PTPRT: variants seen among roughly 807,000 people sequenced by gnomAD.
PTPRT encodes protein tyrosine phosphatase receptor type T.
Under a neutral mutation model 176.8 loss-of-function variants are expected in PTPRT, and 56 were observed. That is an observed-to-expected ratio of 0.32 (90% CI 0.26 to 0.40). PTPRT has a LOEUF of 0.40. PTPRT is among the 10% of genes least tolerant of loss of function. The pLI is 1.00. For synonymous variants in PTPRT, 783 were observed against 739.0 expected, an observed-to-expected ratio of 1.06 and a Z score of -0.96; for missense variants, 1,540 against 1,908.2, an observed-to-expected ratio of 0.81 and a Z score of 3.60.
intron 15 of PTPRT, among the ~76,000 whole-genome samples, chr20:42,210,028 C>T (rs1215371344): frequency 8.5e-5 from 13 of 152,126 alleles, no homozygotes; most frequent in Admixed American, 8.5e-4. Context: ...AGCATATAAA[C>T]AGAGCCAAAG....
At chr20:42,937,504 G>T (rs1195026826) in intron 1 of PTPRT, among the ~76,000 whole-genome samples, 1 of 152,188 alleles carries the variant, frequency 6.6e-6, no homozygotes, top group East Asian at 1.9e-4. Flanking sequence ...CCCCTCCAAT[G>T]TTACAGCTAG....
At chr20:42,809,276 C>A (rs1018285686) in intron 2 of PTPRT, among the ~76,000 whole-genome samples, 1 of 152,146 alleles carries the variant, frequency 6.6e-6, no homozygotes. Context: ...GAAAGGGCTG[C>A]CGGAAACAAA....
At position 42,398,730 on chromosome 20, in the gene PTPRT, A is replaced by G. The variant is rs2058875868; in HGVS notation, c.1561-46445T>C. 2.0e-5 allele frequency among the ~76,000 whole-genome samples: 3 copies of G among 152,156 alleles called. No homozygotes were observed. The South Asian group carries it at 6.2e-4, about 31-fold the overall frequency. On this transcript the variant is annotated intron_variant, in intron 9 of 30. Coordinates refer to ENST00000373187, the MANE Select transcript of PTPRT (RefSeq NM_007050.6). The stretch of plus-strand genomic sequence containing the variant: ...CCATTTTAAATTTATGTATTTTTTA[A>G]TTTAAAAAAACATAGGGCTGAATCA...
In PTPRT at chr20:42,173,965, T is replaced by C. The variant is rs534623589; in HGVS notation, c.2492-12423A>G. Among the ~76,000 whole-genome samples, 50 of 152,300 alleles carry C rather than the reference T, an allele frequency of 3.3e-4. 1 individual carries two copies. The South Asian group carries it at 7.9e-3, about 24-fold the overall frequency. On this transcript the variant is annotated intron_variant, in intron 16 of 30. Transcript: ENST00000373187. ...TAACCCATAAATAGACATTGAAATA[T>C]ACGCCTAAAGAATTTTATAAACTGA... is the stretch of plus-strand genomic sequence containing the variant.
chr20:42,944,475 G>A (rs553998692), intron 1 of PTPRT, among the ~76,000 whole-genome samples: 45 of 152,212 alleles, frequency 3.0e-4, no homozygotes, highest in African/African-American at 1.1e-3. Context: ...CGTTGAGATG[G>A]CCCACCAGGC....
At chr20:42,846,507 G>T (rs1006093065) in intron 2 of PTPRT, among the ~76,000 whole-genome samples, 2 of 152,210 alleles carry the variant, frequency 1.3e-5, no homozygotes, top group Admixed American at 6.5e-5. Flanking sequence ...AACTACCACA[G>T]TAATGATCTC....
At chr20:42,360,831 C>T (rs111298814) in intron 9 of PTPRT, among the ~76,000 whole-genome samples, 67 of 152,246 alleles carry the variant, frequency 4.4e-4, no homozygotes, top group African/African-American at 1.4e-3. Context: ...TGGCAGACAC[C>T]GCCTGGAACA....
intron 9 of PTPRT, among the ~76,000 whole-genome samples, chr20:42,374,663 T>TG (rs2058629790): frequency 6.6e-6 from 1 of 152,158 alleles, no homozygotes; most frequent in African/African-American, 2.4e-5. Context: ...ATATTACCAA[T>TG]GGGGGGAAAA....
chr20:42,833,861 A>T (rs2078135916), intron 2 of PTPRT, among the ~76,000 whole-genome samples: 1 of 152,216 alleles, frequency 6.6e-6, no homozygotes, highest in Non-Finnish European at 1.5e-5. Context: ...CTCTCACTAT[A>T]TGTAAAAGTT....
intron 13 of PTPRT, among the ~76,000 whole-genome samples, chr20:42,274,066 G>A (rs1025303289): frequency 6.6e-6 from 1 of 152,200 alleles, no homozygotes; most frequent in Admixed American, 6.5e-5. Flanking sequence ...AAAGGAGGCA[G>A]AAACAGAAAA....
chr20:43,179,263 T>C (rs118167962), intron 1 of PTPRT, among the ~76,000 whole-genome samples: 6,488 of 152,298 alleles, frequency 0.043, 191 homozygotes, highest in Non-Finnish European at 0.066. Flanking sequence ...GCATGACGTG[T>C]TTCAATCCAT....
chr20:42,250,164 G>A (rs1037619521), intron 13 of PTPRT, among the ~76,000 whole-genome samples: 1 of 152,158 alleles, frequency 6.6e-6, no homozygotes, highest in Non-Finnish European at 1.5e-5. Flanking sequence ...TTAGTTATTT[G>A]TTTTCACATC....
chr20:42,454,223 A>T (rs1182484705), intron 8 of PTPRT, among the ~76,000 whole-genome samples: 1 of 152,066 alleles, frequency 6.6e-6, no homozygotes, highest in Non-Finnish European at 1.5e-5. Flanking sequence ...ATATATTCCT[A>T]TTTATTCCAC....
At chr20:42,556,571 C>T (rs1224391666) in intron 7 of PTPRT, among the ~76,000 whole-genome samples, 1 of 151,384 alleles carries the variant, frequency 6.6e-6, no homozygotes, top group African/African-American at 2.4e-5. Flanking sequence ...TATCCCCTAT[C>T]TATAATAGAT....
intron 13 of PTPRT, among the ~76,000 whole-genome samples, chr20:42,276,494 G>T (rs866259656): frequency 2.3e-4 from 10 of 42,792 alleles, no homozygotes; most frequent in East Asian, 6.5e-4. Context: ...GAGAAAGAAG[G>T]AAATATATAT....
intron 15 of PTPRT, among the ~76,000 whole-genome samples, chr20:42,235,046 C>A (rs2056212777): frequency 6.6e-6 from 1 of 152,210 alleles, no homozygotes; most frequent in African/African-American, 2.4e-5. Flanking sequence ...TAATCCCACT[C>A]TTTTGCTAGC....
At chr20:42,091,041 G>A (rs1049619927) in intron 27 of PTPRT, among the ~76,000 whole-genome samples, 3 of 152,146 alleles carry the variant, frequency 2.0e-5, no homozygotes, top group South Asian at 2.1e-4. Flanking sequence ...AGGTAGTGGC[G>A]ATGAACACAC....
intron 2 of PTPRT, among the ~76,000 whole-genome samples, chr20:42,796,027 G>A (rs972309074): frequency 6.6e-6 from 1 of 152,172 alleles, no homozygotes; most frequent in Non-Finnish European, 1.5e-5. Context: ...CCCTAATGAG[G>A]TGGTGCCATG....
chr20:42,613,929 AT>A (rs774725230), intron 7 of PTPRT, among the ~76,000 whole-genome samples: 1 of 143,614 alleles, frequency 7.0e-6, no homozygotes, highest in Non-Finnish European at 1.5e-5. Context: ...GGACAAAAAA[AT>A]ATACATCCCT....
Sources: allele counts gnomAD v4.1 joint callset (sites outside exome capture counted in the v4.1 genomes callset), GRCh38; gene constraint gnomAD v4.1.1; transcripts MANE v1.5; gene names NCBI Gene and HGNC (gene_info 2026-07-23, HGNC 2026-07-21).